The following ACOXL variants were observed in gnomAD, a reference collection of about 807,000 sequenced individuals.
ACOXL encodes acyl-coenzyme A oxidase-like protein.
A neutral mutation model predicts 71.9 loss-of-function variants in ACOXL; 70 were observed. That is an observed-to-expected ratio of 0.97 (90% confidence interval 0.80 to 1.19). ACOXL has a LOEUF of 1.19. ACOXL is among the 50% of genes most tolerant of loss of function. ACOXL has a pLI of 0.00. For synonymous variants in ACOXL, 253 were observed against 281.6 expected, an observed-to-expected ratio of 0.90 and a Z score of 1.02; for missense variants, 703 against 736.3, an observed-to-expected ratio of 0.95 and a Z score of 0.52.
intron 3 of ACOXL, among the ~76,000 whole-genome samples, chr2:110,787,542 A>AT (rs1259583093): frequency 1.3e-5 from 2 of 151,744 alleles, no homozygotes; most frequent in Non-Finnish European, 1.5e-5. Flanking sequence ...TCAAAAAAAA[A>AT]AAAAAAAAAA....
intron 2 of ACOXL, among the ~76,000 whole-genome samples, chr2:110,773,136 G>A (rs2105044730): frequency 6.6e-6 from 1 of 152,224 alleles, no homozygotes; most frequent in South Asian, 2.1e-4. Context: ...CAGATCAGAG[G>A]GGAACTAGTA....
At position 110,814,206 on chromosome 2, in the gene ACOXL, G is replaced by T. The variant is rs1019312548; in HGVS notation, c.753+8811G>T. ...TGTTAAATAGTTAGTGGCTGGGCCA[G>T]AATCCAGGCCTCCTTCTCCACTGTG... On this transcript the variant is annotated intron_variant, in intron 9 of 17. Coordinates refer to ENST00000439055, the MANE Select transcript of ACOXL (RefSeq NM_001142807.4). 7.9e-5 allele frequency among the ~76,000 whole-genome samples: 12 copies of T among 152,324 alleles called. No homozygotes were observed. In the East Asian group the frequency reaches 1.7e-3, roughly 22 times the overall value.
chr2:111,026,941 G>T (rs1462135271), intron 14 of ACOXL, among the ~76,000 whole-genome samples: 6 of 152,152 alleles, frequency 3.9e-5, no homozygotes, highest in Non-Finnish European at 2.9e-5. Flanking sequence ...CTGTTGCCCA[G>T]GCTGGAGTGC....
chr2:111,080,382 T>G (rs1424291987), intron 16 of ACOXL, among the ~76,000 whole-genome samples: 1 of 152,230 alleles, frequency 6.6e-6, no homozygotes, highest in Non-Finnish European at 1.5e-5. Flanking sequence ...CTCTAACCAC[T>G]GCTTTAGCTG....
chr2:110,772,077 C>T (rs1465564440), intron 2 of ACOXL, among the ~76,000 whole-genome samples: 1 of 152,224 alleles, frequency 6.6e-6, no homozygotes, highest in Non-Finnish European at 1.5e-5. Context: ...TAGATGATGT[C>T]ATTCAGTATT....
chr2:111,106,667 G>T (rs2069558646), intron 17 of ACOXL, among the ~76,000 whole-genome samples: 1 of 152,184 alleles, frequency 6.6e-6, no homozygotes, highest in South Asian at 2.1e-4. Context: ...TTCTGTTTTA[G>T]CTGGTTTCCT....
intron 9 of ACOXL, among the ~76,000 whole-genome samples, chr2:110,834,507 C>T (rs1294850986): frequency 6.6e-6 from 1 of 152,218 alleles, no homozygotes; most frequent in African/African-American, 2.4e-5. Context: ...GTGAATTCAG[C>T]GGTTCCGGAG....
At chr2:111,092,228 G>A (rs746459369) in intron 16 of ACOXL, among the ~76,000 whole-genome samples, 4 of 152,120 alleles carry the variant, frequency 2.6e-5, no homozygotes, top group African/African-American at 7.2e-5. Flanking sequence ...CTATTTTTGC[G>A]TGATTTTGAA....
At position 110,991,436 on chromosome 2, in the gene ACOXL, C is replaced by T. The variant is rs117015763; in HGVS notation, c.1169+4219C>T. Reference sequence around the variant, plus strand: ...TGATTTATGCTCATGAATGTATTGTCTCCTATATTATACTTTTAGAGAGCT... The same window carrying T: ...TGATTTATGCTCATGAATGTATTGTTTCCTATATTATACTTTTAGAGAGCT... On this transcript the variant is annotated intron_variant, in intron 13 of 17. Transcript: ENST00000439055. 2.6e-3 allele frequency among the ~76,000 whole-genome samples: 391 copies of T among 152,124 alleles called. 8 individuals carry two copies. The East Asian group carries it at 0.049, about 19-fold the overall frequency.
chr2:110,926,866 C>T (rs1558740576), intron 11 of ACOXL, among the ~76,000 whole-genome samples: 1 of 152,158 alleles, frequency 6.6e-6, no homozygotes, highest in South Asian at 2.1e-4. Context: ...CCAGGAATCA[C>T]CAGCGCCCTA....
chr2:111,099,897 A>G (rs2069028163), intron 17 of ACOXL: 1 of 152,206 alleles, frequency 6.6e-6, no homozygotes, highest in South Asian at 2.1e-4. Context: ...TTGCTTTTTA[A>G]AAAATAAAGC....
At chr2:110,886,525 C>T (rs1697317618) in intron 10 of ACOXL, among the ~76,000 whole-genome samples, 1 of 151,936 alleles carries the variant, frequency 6.6e-6, no homozygotes, top group Admixed American at 6.6e-5. Flanking sequence ...TACTGGCATG[C>T]ACCACCACGC....
chr2:111,043,880 A>G (rs565534777), intron 15 of ACOXL, among the ~76,000 whole-genome samples: 16 of 152,296 alleles, frequency 1.1e-4, no homozygotes, highest in African/African-American at 3.1e-4. Context: ...GATGAGAGCC[A>G]CATTTCCCTA....
chr2:110,933,295 T>C (rs564628223), intron 11 of ACOXL, among the ~76,000 whole-genome samples, 194 bp from the exon 12 acceptor site: 2 of 152,352 alleles, frequency 1.3e-5, no homozygotes, highest in East Asian at 3.9e-4. Context: ...AATTAAATAA[T>C]TTTTAGGTTT....
At chr2:111,103,350 A>G (rs114548777) in intron 17 of ACOXL, among the ~76,000 whole-genome samples, 3,936 of 152,212 alleles carry the variant, frequency 0.026, 178 homozygotes, top group African/African-American at 0.09. Context: ...TGTAGGGGTG[A>G]CCGCATTTTA....
At chr2:111,009,077 A>G (rs1238595885) in intron 14 of ACOXL, among the ~76,000 whole-genome samples, 1 of 152,168 alleles carries the variant, frequency 6.6e-6, no homozygotes, top group African/African-American at 2.4e-5. Context: ...CAAACTTTTT[A>G]AAATTTTTTT....
intron 9 of ACOXL, among the ~76,000 whole-genome samples, chr2:110,840,105 C>T (rs1278191664): frequency 6.6e-6 from 1 of 152,116 alleles, no homozygotes; most frequent in Non-Finnish European, 1.5e-5. Context: ...ATTCTCCTGC[C>T]TCAGCCTCCT....
At chr2:110,794,300 C>G in intron 5 of ACOXL, 126 bp downstream of exon 5, 1 of 847,484 alleles carries the variant, frequency 1.2e-6, no homozygotes, top group South Asian at 1.7e-5. Context: ...AGCTGAGATT[C>G]AGATCAAATG....
chr2:111,052,125 C>T (rs150021574), intron 16 of ACOXL, among the ~76,000 whole-genome samples: 10 of 152,240 alleles, frequency 6.6e-5, no homozygotes, highest in Admixed American at 1.3e-4. Context: ...TGGCATAAGC[C>T]AGAACATTCA....
Sources: gnomAD v4.1 joint callset for allele counts (sites outside exome capture counted in the v4.1 genomes callset) on GRCh38, gnomAD v4.1.1 for gene constraint, MANE v1.5 for transcripts, NCBI Gene and HGNC (gene_info 2026-07-23, HGNC 2026-07-21) for gene names.